VAC14: variants seen among roughly 807,000 people sequenced by gnomAD.
VAC14 encodes VAC14 component of PIKFYVE complex, also known as protein VAC14 homolog.
VAC14 carries 47 observed loss-of-function variants against 85.3 expected under a neutral mutation model. The ratio of observed to expected loss-of-function variants is 0.55; its 90% CI spans 0.44 to 0.70. The LOEUF (loss-of-function observed/expected upper bound fraction) is 0.70. Among genes scored for constraint, VAC14 ranks in the 30% least tolerant of loss-of-function variants. The pLI is 0.00. For synonymous variants in VAC14, 447 were observed against 430.5 expected, an observed-to-expected ratio of 1.04 and a Z score of -0.47; for missense variants, 861 against 1,004.3, an observed-to-expected ratio of 0.86 and a Z score of 1.93.
chr16:70,781,078 G>T, intron 8 of VAC14, 139 bp from the exon 9 acceptor site: 1 of 1,202,372 alleles, frequency 8.3e-7, no homozygotes, highest in Non-Finnish European at 1.2e-6. Context: ...CCTCACAAAT[G>T]GCTTGGTGCC....
intron 10 of VAC14, among the ~76,000 whole-genome samples, chr16:70,763,516 C>T (rs932831685): frequency 1.3e-5 from 2 of 152,194 alleles, no homozygotes; most frequent in Non-Finnish European, 2.9e-5. Flanking sequence ...TGTTGACCTC[C>T]GCCAGGCCCT....
chr16:70,722,983 G>C (rs144730779), intron 14 of VAC14, among the ~76,000 whole-genome samples: 1 of 151,988 alleles, frequency 6.6e-6, no homozygotes, highest in African/African-American at 2.4e-5. Context: ...TGGGAGGCTG[G>C]GGTGGGTGGA....
At chr16:70,770,676 C>T (rs2033154763) in intron 10 of VAC14, 3 of 152,272 alleles carry the variant, frequency 2.0e-5, no homozygotes. Flanking sequence ...ACTTCTCTGC[C>T]TCACCACTGG....
intron 12 of VAC14, among the ~76,000 whole-genome samples, chr16:70,754,791 T>C (rs1000954820): frequency 6.6e-6 from 1 of 152,222 alleles, no homozygotes; most frequent in South Asian, 2.1e-4. Context: ...ATCTGTGGAA[T>C]TGAGGTGGGG....
intron 7 of VAC14, 143 bp downstream of exon 7, chr16:70,782,890 C>A: frequency 1.3e-6 from 1 of 763,120 alleles, no homozygotes. Context: ...TCTCCCAGGG[C>A]CCACTGTCAC....
intron 14 of VAC14, among the ~76,000 whole-genome samples, chr16:70,722,523 G>A (rs981247562): frequency 6.6e-6 from 1 of 152,216 alleles, no homozygotes; most frequent in South Asian, 2.1e-4. Context: ...AATCGCAGGC[G>A]GAGAGAGAAG....
chr16:70,736,269 G>A (rs747383543), intron 13 of VAC14, among the ~76,000 whole-genome samples: 8 of 152,230 alleles, frequency 5.3e-5, no homozygotes, highest in South Asian at 2.1e-4. Context: ...GGAGCCTGCC[G>A]CACAGTCTGC....
chr16:70,784,148 T>G lies in VAC14; in HGVS notation c.559A>C (p.Asn187His). 1 of 1,614,180 alleles carries G rather than the reference T, an allele frequency of 6.2e-7. No individual in the cohort carries two copies. Among genetic ancestry groups the G allele is most frequent in the African/African-American group, 1.3e-5 (1 of 75,040 alleles). The change falls in exon 5 of 19, where the codon AAC becomes CAC. Residue 187 changes from asparagine (N) to histidine (H), a missense_variant. By Grantham distance (68) the Asn-to-His change is moderately conservative. This residue lies in a region of VAC14 where 629 missense variants were observed against 703.1 expected (regional missense o/e 0.89). Transcript: ENST00000261776. ...ATGAACTGCCGGGCATACTGGTTGT[T>G]GGAGTAAATCCTCTCTCGCAACAAG... ...IPLLRERIYS[N>H]NQYARQFIIS...
intron 18 of VAC14, chr16:70,691,107 A>G: frequency 1.0e-6 from 1 of 985,470 alleles, no homozygotes; most frequent in Non-Finnish European, 1.2e-6. Flanking sequence ...TCCCTGACTG[A>G]CCGTGGGAGA....
At position 70,744,441 on chromosome 16, in the gene VAC14, C is replaced by T. The variant is rs371294187; in HGVS notation, c.1510G>A (p.Gly504Ser). ...ELQVPTPGRA[G>S]LLNTSGTKGL... ...GACTTACCAGAGGTGTTCAGTAGGC[C>T]GGCTCTGCCAGGGGTGGGCACCTGG... The change falls in exon 13 of 19, where the codon GGC becomes AGC. Residue 504 changes from glycine (G) to serine (S), a missense_variant. Gly to Ser is a moderately conservative substitution (Grantham distance 56). This residue lies in a region of VAC14 where 629 missense variants were observed against 703.1 expected (regional missense o/e 0.89). Coordinates refer to ENST00000261776, the MANE Select transcript of VAC14 (RefSeq NM_018052.5). The T allele has an allele frequency of 2.1e-5, 34 of 1,613,906 alleles. No individual in the cohort carries two copies. Among genetic ancestry groups the T allele is most frequent in the East Asian group, 4.5e-5 (2 of 44,872 alleles).
intron 10 of VAC14, among the ~76,000 whole-genome samples, chr16:70,763,660 G>C (rs1181712378): frequency 6.6e-6 from 1 of 152,170 alleles, no homozygotes; most frequent in African/African-American, 2.4e-5. Flanking sequence ...ACCAAAATGC[G>C]CTCCTTTGAG....
chr16:70,775,129 A>G (rs1052935348), intron 9 of VAC14, among the ~76,000 whole-genome samples: 1 of 151,856 alleles, frequency 6.6e-6, no homozygotes, highest in Non-Finnish European at 1.5e-5. Flanking sequence ...GTCATTATGG[A>G]CTCCTGGATA....
intron 14 of VAC14, among the ~76,000 whole-genome samples, chr16:70,709,014 T>C (rs2053976521): frequency 6.6e-6 from 1 of 152,194 alleles, no homozygotes; most frequent in Non-Finnish European, 1.5e-5. Context: ...CCCAAGCCCT[T>C]GGGTCCCTGC....
chr16:70,692,872 A>T lies in VAC14; in HGVS notation c.2135T>A (p.Leu712Gln), dbSNP rs778248593. 6.2e-6 allele frequency: 10 copies of T among 1,606,536 alleles called. No homozygotes were observed. Among genetic ancestry groups the T allele is most frequent in the Non-Finnish European group, 8.5e-6 (10 of 1,177,922 alleles). Residue 712 changes from leucine to glutamine, a missense_variant, in exon 18 of 19, where the codon CTG becomes CAG. Leu to Gln is a moderately radical substitution (Grantham distance 113). Coordinates refer to ENST00000261776, the MANE Select transcript of VAC14 (RefSeq NM_018052.5). Reference sequence around the variant, plus strand: ...CACGCACTGGAGCCGGTGCGAGAGCAGCTGGAAGGCGCTGCTCTGCGGCAG... The same window carrying T: ...CACGCACTGGAGCCGGTGCGAGAGCTGCTGGAAGGCGCTGCTCTGCGGCAG... ...MLLPQSSAFQ[L>Q]LSHRLQCVPN...
intron 14 of VAC14, among the ~76,000 whole-genome samples, chr16:70,706,152 G>A (rs2053916601): frequency 1.3e-5 from 2 of 152,228 alleles, no homozygotes; most frequent in Admixed American, 1.3e-4. Context: ...TTGGTCAGAG[G>A]GTGTCATGGG....
chr16:70,777,469 T>G (rs1199869972), intron 9 of VAC14, among the ~76,000 whole-genome samples: 1 of 152,174 alleles, frequency 6.6e-6, no homozygotes, highest in Non-Finnish European at 1.5e-5. Flanking sequence ...AGGCAGGTTG[T>G]TCAGACCCCA....
chr16:70,785,341 T>G (rs142883139), intron 3 of VAC14, among the ~76,000 whole-genome samples: 140 of 152,320 alleles, frequency 9.2e-4, no homozygotes, highest in African/African-American at 2.4e-3. Context: ...CTAGGGCACT[T>G]ATGAGCTAGA....
At chr16:70,693,724 C>T (rs2142987520) in intron 17 of VAC14, among the ~76,000 whole-genome samples, 1 of 152,368 alleles carries the variant, frequency 6.6e-6, no homozygotes, top group East Asian at 1.9e-4. Context: ...AACGGGCTCA[C>T]TTTTCTTCTG....
intron 14 of VAC14, among the ~76,000 whole-genome samples, chr16:70,729,839 T>C (rs1485694961): frequency 6.6e-6 from 1 of 152,030 alleles, no homozygotes; most frequent in African/African-American, 2.4e-5. Flanking sequence ...AATGAATGAA[T>C]GAATGAATGA....
Sources: allele counts gnomAD v4.1 joint callset (sites outside exome capture counted in the v4.1 genomes callset), GRCh38; gene constraint gnomAD v4.1.1; regional missense constraint gnomAD v4.1.1; transcripts MANE v1.5; gene names NCBI Gene and HGNC (gene_info 2026-07-23, HGNC 2026-07-21).